The following NELL2 variants were observed in gnomAD, a reference collection of about 807,000 sequenced individuals.
NELL2 encodes protein kinase C-binding protein NELL2.
A neutral mutation model predicts 109.6 loss-of-function variants in NELL2; 41 were observed. That is an observed-to-expected ratio of 0.37 (90% CI 0.29 to 0.49). The LOEUF (loss-of-function observed/expected upper bound fraction) is 0.49, where lower values mean the gene tolerates loss of function less well. Among genes scored for constraint, NELL2 ranks in the 20% least tolerant of loss-of-function variants. The probability of loss-of-function intolerance (pLI) is 0.98; values close to 1 mark genes in which losing one functional copy is unlikely to be tolerated. For synonymous variants in NELL2, 355 were observed against 344.7 expected, an observed-to-expected ratio of 1.03 and a Z score of -0.33; for missense variants, 900 against 1,008.3, an observed-to-expected ratio of 0.89 and a Z score of 1.45.
At chr12:44,903,092 A>AG (rs1566609067) in intron 1 of NELL2, among the ~76,000 whole-genome samples, 2 of 152,202 alleles carry the variant, frequency 1.3e-5, no homozygotes, top group Non-Finnish European at 2.9e-5. Context: ...AAAATAAACT[A>AG]TCATCAGAGT....
At chr12:44,540,798 A>AAAAAAAAAAAAAAC (rs1942523762) in intron 15 of NELL2, among the ~76,000 whole-genome samples, 1 of 150,274 alleles carries the variant, frequency 6.7e-6, no homozygotes, top group African/African-American at 2.4e-5. Context: ...AAAAAAAAAA[A>AAAAAAAAAAAAAAC]GCCCATCCTC....
chr12:44,624,633 A>G (rs143289114), intron 13 of NELL2, among the ~76,000 whole-genome samples: 26 of 152,204 alleles, frequency 1.7e-4, no homozygotes, highest in Admixed American at 1.0e-3. Context: ...ACTCACTCAC[A>G]ATATCCCTTT....
chr12:44,636,968 G>A (rs549648090), intron 13 of NELL2, among the ~76,000 whole-genome samples: 1 of 152,160 alleles, frequency 6.6e-6, no homozygotes, highest in East Asian at 1.9e-4. Context: ...ACTTCTTCCT[G>A]GTTTAGTGTT....
chr12:44,860,312 G>A (rs762803550), intron 2 of NELL2, among the ~76,000 whole-genome samples: 7 of 152,280 alleles, frequency 4.6e-5, no homozygotes, highest in Admixed American at 3.9e-4. Context: ...GTTTAATTTG[G>A]TTATAAAATA....
intron 16 of NELL2, among the ~76,000 whole-genome samples, chr12:44,525,560 C>T (rs772414840): frequency 5.3e-5 from 8 of 152,102 alleles, no homozygotes; most frequent in Non-Finnish European, 1.0e-4. Flanking sequence ...TTTTGGAACC[C>T]ATTTTTACAC....
At chr12:44,606,509 C>T (rs1320331314) in intron 15 of NELL2, among the ~76,000 whole-genome samples, 2 of 152,104 alleles carry the variant, frequency 1.3e-5, no homozygotes, top group African/African-American at 2.4e-5. Context: ...GGACTTAATA[C>T]TCAAAACATT....
At chr12:44,617,035 A>G (rs766882277) in intron 13 of NELL2, among the ~76,000 whole-genome samples, 2 of 152,126 alleles carry the variant, frequency 1.3e-5, no homozygotes, top group African/African-American at 4.8e-5. Context: ...CAACTCCAGA[A>G]TTTCTGGTTT....
chr12:44,590,311 C>CTAA (rs1944698589), intron 15 of NELL2, among the ~76,000 whole-genome samples: 1 of 152,042 alleles, frequency 6.6e-6, no homozygotes, highest in Non-Finnish European at 1.5e-5. Context: ...CAGCTGCTTC[C>CTAA]CAGTTGTTAA....
At chr12:44,911,751 A>G (rs958756541) in intron 1 of NELL2, among the ~76,000 whole-genome samples, 4 of 151,898 alleles carry the variant, frequency 2.6e-5, no homozygotes, top group African/African-American at 9.7e-5. Flanking sequence ...ACATGTATGT[A>G]AGCAAAATAT....
chr12:44,851,401 A>G (rs942378992), intron 2 of NELL2, among the ~76,000 whole-genome samples: 3 of 152,194 alleles, frequency 2.0e-5, no homozygotes, highest in Non-Finnish European at 4.4e-5. Flanking sequence ...GAAATATTAA[A>G]TGTTCTAAAA....
intron 16 of NELL2, among the ~76,000 whole-genome samples, chr12:44,524,395 C>T (rs1266362992): frequency 6.6e-6 from 1 of 152,118 alleles, no homozygotes; most frequent in Admixed American, 6.5e-5. Flanking sequence ...AGTTATTTCC[C>T]ATTTCATCAG....
chr12:44,568,700 T>C (rs1035161473), intron 15 of NELL2, among the ~76,000 whole-genome samples: 4 of 151,974 alleles, frequency 2.6e-5, no homozygotes, highest in Non-Finnish European at 5.9e-5. Flanking sequence ...GGCTCATTTG[T>C]GATTCTGAAA....
At chr12:44,550,546 CATAA>C (rs61282621) in intron 15 of NELL2, among the ~76,000 whole-genome samples, 6,659 of 138,990 alleles carry the variant, frequency 0.048, 181 homozygotes, top group East Asian at 0.099. Context: ...TCCATCTCAA[CATAA>C]ATAAATAAAT....
intron 13 of NELL2, among the ~76,000 whole-genome samples, chr12:44,622,148 AT>A (rs1946083794): frequency 6.6e-6 from 1 of 152,164 alleles, no homozygotes; most frequent in Admixed American, 6.6e-5. Context: ...ACATTTTTCA[AT>A]TTCTCAGAGC....
chr12:44,777,021 G>C, intron 7 of NELL2, 21 bp downstream of exon 7: 1 of 1,606,208 alleles, frequency 6.2e-7, no homozygotes, highest in Non-Finnish European at 8.5e-7. Context: ...CTTCCACACT[G>C]TATTCTTGAG....
intron 15 of NELL2, among the ~76,000 whole-genome samples, chr12:44,596,478 T>C (rs1408236011): frequency 1.3e-5 from 2 of 152,194 alleles, no homozygotes; most frequent in South Asian, 4.1e-4. Flanking sequence ...CAGAGGGTTA[T>C]TGTAGGGATT....
intron 13 of NELL2, among the ~76,000 whole-genome samples, chr12:44,636,946 T>C (rs1033519505): frequency 6.6e-6 from 1 of 152,168 alleles, no homozygotes; most frequent in Non-Finnish European, 1.5e-5. Flanking sequence ...TATTGTTATA[T>C]TCAGGGTTTT....
chr12:44,531,290 T>A (rs1248030555), intron 16 of NELL2, among the ~76,000 whole-genome samples: 2 of 152,208 alleles, frequency 1.3e-5, no homozygotes, highest in African/African-American at 2.4e-5. Flanking sequence ...ATAAATTTTT[T>A]AAAAGATGAT....
upstream of NELL2, chr12:44,876,797 A>G (rs575330051): frequency 1.4e-5 from 19 of 1,378,570 alleles, no homozygotes; most frequent in Admixed American, 2.6e-4. Context: ...GTGCGGAGGA[A>G]GGCCACCAAA....
Sources: gnomAD v4.1 joint callset for allele counts (sites outside exome capture counted in the v4.1 genomes callset) on GRCh38, gnomAD v4.1.1 for gene constraint, MANE v1.5 for transcripts, NCBI Gene and HGNC (gene_info 2026-07-23, HGNC 2026-07-21) for gene names.